The following CAMTA1 variants were observed in gnomAD, a reference collection of about 807,000 sequenced individuals.
CAMTA1 encodes calmodulin-binding transcription activator 1.
In CAMTA1, 27 loss-of-function variants were observed where a neutral mutation model predicts 170.9. That is an observed-to-expected ratio of 0.16 (90% CI 0.12 to 0.22). CAMTA1 has a LOEUF of 0.22. CAMTA1 is among the 10% of genes least tolerant of loss of function. The probability of loss-of-function intolerance (pLI) is 1.00; values close to 1 mark genes in which losing one functional copy is unlikely to be tolerated. For synonymous variants in CAMTA1, 833 were observed against 891.5 expected (o/e 0.93, Z 1.17); for missense variants, 1,619 against 2,217.2 (o/e 0.73, Z 5.42).
rs149048264 is a variant in CAMTA1 at position 7,677,725 on chromosome 1, C to T, written c.2906C>T (p.Ser969Leu). The T allele has an allele frequency of 9.9e-6, 16 of 1,613,686 alleles. No homozygotes were observed. Among genetic ancestry groups the T allele is most frequent in the Middle Eastern group, 3.3e-4 (2 of 6,060 alleles). ...TLPSSQHDWLSLDDNQFRMSI... is the reference protein window; with the variant it reads ...TLPSSQHDWLLLDDNQFRMSI... ...CCTTCCTCCCAGCACGACTGGCTGT[C>T]GTTGGACGGTAAGAACAGTGCTTGG... Residue 969 changes from serine to leucine, a missense_variant, in exon 11 of 23, where the codon TCG becomes TTG. By Grantham distance (145) the Ser-to-Leu change is moderately radical. This residue lies in a region of CAMTA1 where 143 missense variants were observed against 184.2 expected (regional missense o/e 0.78). Coordinates refer to ENST00000303635, the MANE Select transcript of CAMTA1 (RefSeq NM_015215.4).
chr1:7,089,293 C>T (rs1205661540), intron 3 of CAMTA1, among the ~76,000 whole-genome samples: 1 of 152,102 alleles, frequency 6.6e-6, no homozygotes, highest in Non-Finnish European at 1.5e-5. Context: ...AATAAGAGGC[C>T]GTGCTGGTAC....
Position 7,479,019 on chromosome 1 carries a change from G to A in CAMTA1, c.510+11118G>A, listed in dbSNP as rs530235125. Reference sequence around the variant, plus strand: ...AGACGTAGTGGGACAGAATGCAGTGGAAGACGTGGGCGGTGGGTGACCCAC... The same window carrying A: ...AGACGTAGTGGGACAGAATGCAGTGAAAGACGTGGGCGGTGGGTGACCCAC... On this transcript the variant is annotated intron_variant, in intron 6 of 22. Transcript: ENST00000303635. 4.6e-5 allele frequency among the ~76,000 whole-genome samples: 7 copies of A among 152,338 alleles called. No individual in the cohort carries two copies. The South Asian group carries it at 1.4e-3, about 32-fold the overall frequency.
chr1:7,137,678 C>T (rs1645620675), intron 4 of CAMTA1, among the ~76,000 whole-genome samples: 1 of 152,178 alleles, frequency 6.6e-6, no homozygotes, highest in African/African-American at 2.4e-5. Context: ...TTTGGCACTT[C>T]CTGCTTCCTC....
chr1:7,100,697 C>T (rs1642611590), intron 4 of CAMTA1, among the ~76,000 whole-genome samples: 1 of 152,230 alleles, frequency 6.6e-6, no homozygotes, highest in Admixed American at 6.5e-5. Context: ...GCCTCCTGTC[C>T]ACCTTCTTAA....
intron 6 of CAMTA1, among the ~76,000 whole-genome samples, chr1:7,548,204 T>A (rs2150152785): frequency 6.6e-6 from 1 of 152,330 alleles, no homozygotes; most frequent in East Asian, 1.9e-4. Flanking sequence ...GGAAGCACAG[T>A]TCTGGGTCTG....
At chr1:7,408,030 G>A (rs542395703) in intron 5 of CAMTA1, among the ~76,000 whole-genome samples, 1 of 152,304 alleles carries the variant, frequency 6.6e-6, no homozygotes, top group African/African-American at 2.4e-5. Flanking sequence ...GTGGGAGAAA[G>A]GTTGGAAGCA....
At chr1:6,803,105 G>A (rs1644076455) in intron 1 of CAMTA1, among the ~76,000 whole-genome samples, 1 of 152,202 alleles carries the variant, frequency 6.6e-6, no homozygotes. Context: ...GCTATGGTCT[G>A]TGCGGTCTTT....
intron 6 of CAMTA1, among the ~76,000 whole-genome samples, chr1:7,601,591 G>T (rs914933102): frequency 1.7e-4 from 26 of 152,238 alleles, no homozygotes; most frequent in Admixed American, 1.7e-3. Flanking sequence ...AAGGCAGGCA[G>T]CTGGGAGGTG....
chr1:7,736,284 G>A lies in CAMTA1; in HGVS notation c.3067-60G>A. 1 of 1,411,132 alleles carries A rather than the reference G, an allele frequency of 7.1e-7. No homozygotes were observed. The highest frequency in any genetic ancestry group is 9.9e-7 in the Non-Finnish European group (1 of 1,011,180). The allele number at this position is 1,411,132 out of a possible 1,614,324, so 87.4% of individuals were successfully genotyped here. ...AAGCATTTGTTTCCCCTACATCGAA[G>A]CGCTGATGGGGTCGAGGGCCTTTAG... On this transcript the variant is annotated intron_variant, in intron 12 of 22. Coordinates refer to ENST00000303635, the MANE Select transcript of CAMTA1 (RefSeq NM_015215.4). The surrounding 1 kb of genome is among the most constrained non-coding windows in gnomAD (Gnocchi z 4.5).
intron 3 of CAMTA1, among the ~76,000 whole-genome samples, chr1:7,002,919 C>G (rs904777457): frequency 2.6e-5 from 4 of 152,158 alleles, no homozygotes; most frequent in Non-Finnish European, 5.9e-5. Context: ...TAATGGCCAG[C>G]ATTTCAGCAC....
At chr1:7,139,121 AT>A (rs1046750719) in intron 4 of CAMTA1, among the ~76,000 whole-genome samples, 2 of 126,118 alleles carry the variant, frequency 1.6e-5, no homozygotes, top group Non-Finnish European at 1.6e-5. Context: ...AACAAAATAT[AT>A]TTTTATAAAT....
At chr1:7,365,170 A>C (rs2085866868) in intron 5 of CAMTA1, among the ~76,000 whole-genome samples, 1 of 152,240 alleles carries the variant, frequency 6.6e-6, no homozygotes, top group Non-Finnish European at 1.5e-5. Context: ...GGGAGGCCCC[A>C]GTGGACGCTG....
chr1:7,671,011 C>T lies in CAMTA1; in HGVS notation c.2753C>T (p.Pro918Leu). 1 of 1,613,624 alleles carries T rather than the reference C, an allele frequency of 6.2e-7. No individual in the cohort carries two copies. The highest frequency in any genetic ancestry group is 8.5e-7 in the Non-Finnish European group (1 of 1,179,968). Residue 918 changes from proline to leucine, a missense_variant, in exon 10 of 23, where the codon CCT becomes CTT. By Grantham distance (98) the Pro-to-Leu change is moderately conservative. This residue lies in a region of CAMTA1 where 29 missense variants were observed against 70.9 expected (regional missense o/e 0.41). Coordinates refer to ENST00000303635, the MANE Select transcript of CAMTA1 (RefSeq NM_015215.4). ...QISVPASLIQ[P>L]GVLRCYCPAH... ...TCAGTGCCTGCATCCCTGATTCAGC[C>T]TGGGGTGCTGCGCTGCTACTGCCCA...
chr1:7,276,303 A>ATATATTT, intron 5 of CAMTA1, among the ~76,000 whole-genome samples: 10 of 24,230 alleles, frequency 4.1e-4, no homozygotes, highest in African/African-American at 2.7e-3. Context: ...ATATATATAT[A>ATATATTT]TTTTTTTTTT....
intron 11 of CAMTA1, among the ~76,000 whole-genome samples, chr1:7,678,413 C>T (rs1338441410): frequency 6.6e-6 from 1 of 152,238 alleles, no homozygotes; most frequent in Non-Finnish European, 1.5e-5. Flanking sequence ...TTCAAGGGAG[C>T]AGGCAGGACC....
At chr1:7,148,166 T>C (rs1273385677) in intron 4 of CAMTA1, among the ~76,000 whole-genome samples, 1 of 147,224 alleles carries the variant, frequency 6.8e-6, no homozygotes, top group African/African-American at 2.5e-5. Context: ...ATGTACACCA[T>C]GCACACATGC....
rs1170997729 is a variant in CAMTA1, at chr1:7,580,734, C to T, written c.511-59666C>T. Among the ~76,000 whole-genome samples the T allele has an allele frequency of 6.6e-6, 1 of 152,050 alleles. No homozygotes were observed. Among genetic ancestry groups the T allele is most frequent in the Non-Finnish European group, 1.5e-5 (1 of 68,002 alleles). ...GTGCTGGTCTTCCTGGATGGGCTGCCGGTCGGAGGGAACTTGGCATTTGAC... is the reference window on the plus strand; with the variant it reads ...GTGCTGGTCTTCCTGGATGGGCTGCTGGTCGGAGGGAACTTGGCATTTGAC... On this transcript the variant is annotated intron_variant, in intron 6 of 22. Coordinates refer to ENST00000303635, the MANE Select transcript of CAMTA1 (RefSeq NM_015215.4). The surrounding 1 kb of genome is among the most constrained non-coding windows in gnomAD (Gnocchi z 4.3).
rs1046609981 is a variant in CAMTA1, at chr1:7,044,982, C to A, written c.235-46322C>A. ...CTTTGGAAGCAGCCTCTTCATAAACCCAGTGAATAAATCTCTTCAATTGTT... is the reference window on the plus strand; with the variant it reads ...CTTTGGAAGCAGCCTCTTCATAAACACAGTGAATAAATCTCTTCAATTGTT... On this transcript the variant is annotated intron_variant, in intron 3 of 22. Coordinates refer to ENST00000303635, the MANE Select transcript of CAMTA1 (RefSeq NM_015215.4). This position sits in a 1 kb window ranked among gnomAD's most constrained non-coding sequence, Gnocchi z 5.0. Among the ~76,000 whole-genome samples, 7 of 152,048 alleles carry A rather than the reference C, an allele frequency of 4.6e-5. No individual in the cohort carries two copies. The highest frequency in any genetic ancestry group is 1.7e-4 in the African/African-American group (7 of 41,386).
At chr1:7,077,924 C>T (rs995045528) in intron 3 of CAMTA1, among the ~76,000 whole-genome samples, 1 of 151,960 alleles carries the variant, frequency 6.6e-6, no homozygotes, top group Non-Finnish European at 1.5e-5. Context: ...TGTTCTAAAG[C>T]AGAGGTGTTA....
Sources: gnomAD v4.1 joint callset for allele counts (sites outside exome capture counted in the v4.1 genomes callset) on GRCh38, gnomAD v4.1.1 for gene constraint, gnomAD v4.1.1 regional missense constraint, Gnocchi (gnomAD v3.1) non-coding constraint, MANE v1.5 for transcripts, NCBI Gene and HGNC (gene_info 2026-07-23, HGNC 2026-07-21) for gene names.